Variants in CASQ2 observed in about 807,000 individuals in gnomAD.
CASQ2 encodes the protein calsequestrin 2, also known as calsequestrin-2.
A neutral mutation model predicts 46.5 loss-of-function variants in CASQ2; 49 were observed. The ratio of observed to expected loss-of-function variants is 1.05; its 90% CI spans 0.84 to 1.34. The LOEUF (loss-of-function observed/expected upper bound fraction) is 1.34, where lower values mean the gene tolerates loss of function less well. Ranked by LOEUF, CASQ2 falls within the 40% of genes most tolerant of loss-of-function variation. The probability of loss-of-function intolerance (pLI) is 0.00; values close to 1 mark genes in which losing one functional copy is unlikely to be tolerated. For missense variants in CASQ2, 486 were observed against 481.3 expected (o/e 1.01, Z -0.09); for synonymous variants, 174 against 168.5 (o/e 1.03, Z -0.25).
chr1:115,751,817 A>T (rs559219728), intron 1 of CASQ2, among the ~76,000 whole-genome samples: 1 of 152,278 alleles, frequency 6.6e-6, no homozygotes, highest in East Asian at 1.9e-4. Context: ...ATTTCCATGC[A>T]CTCAGGATGA....
chr1:115,703,245 G>A (rs1295151792), intron 9 of CASQ2, among the ~76,000 whole-genome samples: 1 of 152,194 alleles, frequency 6.6e-6, no homozygotes, highest in Non-Finnish European at 1.5e-5. Context: ...TATAGAGGTG[G>A]TCTAATGTTG....
chr1:115,739,056 CT>C (rs563546083), intron 3 of CASQ2, among the ~76,000 whole-genome samples: 1,942 of 112,624 alleles, frequency 0.017, 36 homozygotes, highest in Non-Finnish European at 0.02. Context: ...TGATAGTTTT[CT>C]TTTTTTAAAA....
intron 8 of CASQ2, among the ~76,000 whole-genome samples, chr1:115,705,797 T>C (rs576734403): frequency 2.4e-4 from 36 of 152,286 alleles, no homozygotes; most frequent in African/African-American, 8.4e-4. Flanking sequence ...AGCTCTGAGA[T>C]AGTAAATGGG....
intron 1 of CASQ2, among the ~76,000 whole-genome samples, chr1:115,763,260 G>A (rs1649022831): frequency 1.3e-5 from 2 of 152,114 alleles, no homozygotes; most frequent in African/African-American, 4.8e-5. Flanking sequence ...AACCATGACT[G>A]AAAATGGGGC....
chr1:115,768,261 G>T (rs372128380), intron 1 of CASQ2, 47 bp downstream of exon 1: 1 of 1,227,672 alleles, frequency 8.1e-7, no homozygotes, highest in Admixed American at 1.7e-5. Flanking sequence ...GCATTCCCTC[G>T]GCACCTCACT....
intron 5 of CASQ2, among the ~76,000 whole-genome samples, chr1:115,731,172 A>C (rs1647769366): frequency 6.6e-6 from 1 of 152,210 alleles, no homozygotes; most frequent in Admixed American, 6.5e-5. Flanking sequence ...ACAGAATTTG[A>C]ATAAAGCATC....
At chr1:115,738,131 T>C in intron 4 of CASQ2, 93 bp downstream of exon 4, 1 of 802,172 alleles carries the variant, frequency 1.2e-6, no homozygotes, top group Non-Finnish European at 2.3e-6. Context: ...GCAAAAGAGG[T>C]GCTGAAGACC....
rs1195549203 is a variant in CASQ2 at position 115,738,263 on chromosome 1, T to C, written c.493A>G (p.Ile165Val). 2 of 1,613,416 alleles carry C rather than the reference T, an allele frequency of 1.2e-6. No individual in the cohort carries two copies. The highest frequency in any genetic ancestry group is 1.3e-5 in the African/African-American group (1 of 74,934). The change falls in exon 4 of 11, where the codon ATC becomes GTC. Residue 165 changes from isoleucine (I) to valine (V), a missense_variant. Coordinates refer to ENST00000261448, the MANE Select transcript of CASQ2 (RefSeq NM_001232.4). ...VQAFERIEDY[I>V]KLIGFFKSED... is the part of the protein sequence containing the mutation. ...CTCTTGAAAAAGCCAATGAGTTTGA[T>C]GTAGTCTTCAATGCGTTCGAAGGCT...
At chr1:115,713,460 C>A (rs1654608816) in intron 8 of CASQ2, among the ~76,000 whole-genome samples, 1 of 152,168 alleles carries the variant, frequency 6.6e-6, no homozygotes, top group East Asian at 1.9e-4. Context: ...TGCCTCCTGG[C>A]AGGTGGAGGT....
At chr1:115,732,025 C>T (rs1647804571) in intron 5 of CASQ2, 1 of 152,268 alleles carries the variant, frequency 6.6e-6, no homozygotes, top group African/African-American at 2.4e-5. Context: ...GTGATCCTCC[C>T]ACCTCAAGCC....
chr1:115,742,828 T>A (rs7528122), intron 2 of CASQ2, among the ~76,000 whole-genome samples: 7 of 151,958 alleles, frequency 4.6e-5, no homozygotes, highest in African/African-American at 1.7e-4. Context: ...TCGCTCTGTC[T>A]CCCAGGCTGG....
Position 115,740,837 on chromosome 1 carries a change from A to G in CASQ2, c.320-9T>C. 6.4e-7 allele frequency: 1 copy of G among 1,566,238 alleles called. No homozygotes were observed. The highest frequency in any genetic ancestry group is 8.8e-7 in the Non-Finnish European group (1 of 1,136,556). On this transcript the variant is annotated splice_polypyrimidine_tract_variant and intron_variant, in intron 2 of 10. Transcript: ENST00000261448. ...TCCTTCTTCATCAAAACCTGTAAGAAACAAAGAGGCCCACAGAGAAGGTCA... is the reference window on the plus strand; with the variant it reads ...TCCTTCTTCATCAAAACCTGTAAGAGACAAAGAGGCCCACAGAGAAGGTCA...
Position 115,740,807 on chromosome 1 carries a change from A to C in CASQ2, c.341T>G (p.Leu114Arg), listed in dbSNP as rs1481852204. The C allele has an allele frequency of 6.2e-7, 1 of 1,612,594 alleles. No homozygotes were observed. ...KKLGFDEEGS[L>R]YILKGDRTIE... ...TGTGCGATCACCCTTAAGAATATAC[A>C]GGCTTCCTTCTTCATCAAAACCTGT... The change falls in exon 3 of 11, where the codon CTG becomes CGG. Residue 114 changes from leucine to arginine, a missense_variant. Coordinates refer to ENST00000261448, the MANE Select transcript of CASQ2 (RefSeq NM_001232.4).
At chr1:115,744,250 T>C (rs1421689082) in intron 2 of CASQ2, among the ~76,000 whole-genome samples, 1 of 152,172 alleles carries the variant, frequency 6.6e-6, no homozygotes, top group Non-Finnish European at 1.5e-5. Context: ...GCACTGCACT[T>C]AAGCATGACA....
intron 1 of CASQ2, among the ~76,000 whole-genome samples, chr1:115,756,673 A>G (rs559003231): frequency 6.6e-6 from 1 of 152,298 alleles, no homozygotes; most frequent in Admixed American, 6.5e-5. Context: ...GGGGCTGGGC[A>G]TGGTGGCGTG....
intron 1 of CASQ2, among the ~76,000 whole-genome samples, chr1:115,759,822 C>T (rs1426298806): frequency 6.6e-6 from 1 of 152,174 alleles, no homozygotes; most frequent in East Asian, 1.9e-4. Context: ...TTTGCCATCT[C>T]TTTTGGGGAA....
intron 5 of CASQ2, among the ~76,000 whole-genome samples, chr1:115,730,158 C>T (rs1255051099): frequency 6.6e-6 from 1 of 152,178 alleles, no homozygotes; most frequent in Non-Finnish European, 1.5e-5. Context: ...TGCAGATTCC[C>T]AGACACTGCC....
chr1:115,710,645 G>A (rs1654514612), intron 8 of CASQ2, among the ~76,000 whole-genome samples: 2 of 152,066 alleles, frequency 1.3e-5, no homozygotes, highest in South Asian at 4.1e-4. Context: ...TTCAAACCAC[G>A]CTGCCAAGCC....
In CASQ2 at chr1:115,700,935, A is replaced by T. The variant is rs1654184922; in HGVS notation, c.*306T>A. ...TGTGTTAGGGGATTGTTCACCCTAGACTGCCATGTTCAGGCACTGCCATGA... is the reference window on the plus strand; with the variant it reads ...TGTGTTAGGGGATTGTTCACCCTAGTCTGCCATGTTCAGGCACTGCCATGA... On this transcript the variant is annotated 3_prime_UTR_variant, in exon 11 of 11. Coordinates refer to ENST00000261448, the MANE Select transcript of CASQ2 (RefSeq NM_001232.4). 1.7e-6 allele frequency: 1 copy of T among 604,558 alleles called. No homozygotes were observed. The highest frequency in any genetic ancestry group is 2.0e-5 in the South Asian group (1 of 49,952). 37.4% of individuals were successfully genotyped at this position (604,558 alleles called of 1,614,324 possible). A position where few individuals can be genotyped will look rare whatever the true frequency, so the allele number is the denominator to read the frequency against.
Sources: allele counts gnomAD v4.1 joint callset (sites outside exome capture counted in the v4.1 genomes callset), GRCh38; gene constraint gnomAD v4.1.1; transcripts MANE v1.5; gene names NCBI Gene and HGNC (gene_info 2026-07-23, HGNC 2026-07-21).